Variants in DYNLT5 observed in about 807,000 individuals in gnomAD.
DYNLT5 encodes the protein dynein light chain Tctex-type 5.
In DYNLT5, 25 loss-of-function variants were observed where a neutral mutation model predicts 19.3. The observed-to-expected ratio is 1.30, with a 90% confidence interval of 0.95 to 1.81. DYNLT5 has a LOEUF of 1.81. Among genes scored for constraint, DYNLT5 ranks in the 40% most tolerant of loss-of-function variants. DYNLT5 has a pLI of 0.00. For synonymous variants in DYNLT5, 82 were observed against 68.9 expected, an observed-to-expected ratio of 1.19 and a Z score of -0.94; for missense variants, 232 against 217.9, an observed-to-expected ratio of 1.06 and a Z score of -0.41.
chr1:66,766,069 G>A (rs924225747), intron 2 of DYNLT5, among the ~76,000 whole-genome samples: 5 of 152,082 alleles, frequency 3.3e-5, no homozygotes, highest in African/African-American at 9.7e-5. Flanking sequence ...AGTGGTTTAC[G>A]CCAGACTTTC....
chr1:66,758,127 TTTTG>T (rs2094639685), intron 2 of DYNLT5, among the ~76,000 whole-genome samples: 1 of 152,222 alleles, frequency 6.6e-6, no homozygotes, highest in African/African-American at 2.4e-5. Context: ...AAAAATGGGC[TTTTG>T]TTTATTAGTT....
In DYNLT5 at chr1:66,778,404, A is replaced by G. The variant is rs915598169; in HGVS notation, c.*950A>G. 5 of 152,646 alleles carry G rather than the reference A, an allele frequency of 3.3e-5. No homozygotes were observed. Among genetic ancestry groups the G allele is most frequent in the Admixed American group, 2.0e-4 (3 of 15,274 alleles). 9.5% of individuals were successfully genotyped at this position (152,646 alleles called of 1,614,324 possible). On this transcript the variant is annotated 3_prime_UTR_variant, in exon 5 of 5. Transcript: ENST00000282670. ...CGGGTGCTAAAATTTACAGGGCTGA[A>G]ATAGCTTATTATTCTGCTGGTTAAT...
Position 66,777,284 on chromosome 1 carries a change from C to A in DYNLT5, c.370C>A (p.Pro124Thr). ...IKAQVKDLMI[P>T]RYKLIVIVHI... ...AGCCCAGGTCAAGGACTTGATGATTCCACGGTATAAACTAATTGTGATTGT... is the reference window on the plus strand; with the variant it reads ...AGCCCAGGTCAAGGACTTGATGATTACACGGTATAAACTAATTGTGATTGT... The change falls in exon 5 of 5, where the codon CCA becomes ACA. Residue 124 changes from proline to threonine, a missense_variant. By Grantham distance (38) the Pro-to-Thr change is conservative. Coordinates refer to ENST00000282670, the MANE Select transcript of DYNLT5 (RefSeq NM_152665.3). 6.2e-7 allele frequency: 1 copy of A among 1,612,920 alleles called. No individual in the cohort carries two copies. Among genetic ancestry groups the A allele is most frequent in the Non-Finnish European group, 8.5e-7 (1 of 1,179,214 alleles).
At chr1:66,770,639 C>T (rs751608193) in intron 3 of DYNLT5, 161 bp downstream of exon 3, 1 of 715,786 alleles carries the variant, frequency 1.4e-6, no homozygotes, top group Non-Finnish European at 2.5e-6. Context: ...TCTTCCTCAG[C>T]AAAAAGGTAA....
chr1:66,770,373 T>G lies in DYNLT5; in HGVS notation c.120-14T>G. ...ATAATAATGACTAAAATTTGTTTTC[T>G]CCCTTGTTTTTAGTTCTATGAGTAC... On this transcript the variant is annotated splice_polypyrimidine_tract_variant and intron_variant, in intron 2 of 4. Coordinates refer to ENST00000282670, the MANE Select transcript of DYNLT5 (RefSeq NM_152665.3). 1 of 1,567,986 alleles carries G rather than the reference T, an allele frequency of 6.4e-7. No homozygotes were observed. Among genetic ancestry groups the G allele is most frequent in the African/African-American group, 1.3e-5 (1 of 74,082 alleles).
intron 3 of DYNLT5, among the ~76,000 whole-genome samples, chr1:66,771,788 T>C (rs1421111298): frequency 6.6e-6 from 1 of 152,198 alleles, no homozygotes; most frequent in African/African-American, 2.4e-5. Context: ...TTGAATCAGA[T>C]TTGAACAAGA....
chr1:66,755,496 A>C (rs1403710633), intron 2 of DYNLT5, among the ~76,000 whole-genome samples: 1 of 152,186 alleles, frequency 6.6e-6, no homozygotes, highest in African/African-American at 2.4e-5. Context: ...TCAATTAATA[A>C]TAGACTTTCG....
At chr1:66,768,395 A>G (rs1645180921) in intron 2 of DYNLT5, among the ~76,000 whole-genome samples, 1 of 152,214 alleles carries the variant, frequency 6.6e-6, no homozygotes, top group African/African-American at 2.4e-5. Context: ...TAAAATGAGC[A>G]TACACTGTTT....
chr1:66,775,331 A>T (rs578255254), intron 3 of DYNLT5: 1 of 152,368 alleles, frequency 6.6e-6, no homozygotes, highest in South Asian at 2.1e-4. Context: ...CTATTGGAAG[A>T]CTATATAAGG....
rs2150870916 is a variant in DYNLT5 at position 66,778,942 on chromosome 1, TC to T, written c.*1489del. Reference sequence around the variant, plus strand: ...TAACAAGTAAATGAGCTTCATATTTTCATTACACATTGGTGAACATCTCCCT... The same window carrying T: ...TAACAAGTAAATGAGCTTCATATTTTATTACACATTGGTGAACATCTCCCT... On this transcript the variant is annotated 3_prime_UTR_variant, in exon 5 of 5. Transcript: ENST00000282670. Among the ~76,000 whole-genome samples the T allele has an allele frequency of 2.0e-5, 3 of 152,348 alleles. No homozygotes were observed. Among genetic ancestry groups the T allele is most frequent in the African/African-American group, 7.2e-5 (3 of 41,582 alleles).
At chr1:66,759,881 T>C (rs1260994022) in intron 2 of DYNLT5, among the ~76,000 whole-genome samples, 3 of 152,172 alleles carry the variant, frequency 2.0e-5, no homozygotes, top group East Asian at 1.9e-4. Flanking sequence ...AGCTACCTGA[T>C]ACCTTTGCAA....
chr1:66,773,293 A>G (rs1011032994), intron 3 of DYNLT5, among the ~76,000 whole-genome samples: 2 of 152,142 alleles, frequency 1.3e-5, no homozygotes, highest in African/African-American at 2.4e-5. Context: ...CCAGCACAGT[A>G]GAAAGTAGAT....
intron 2 of DYNLT5, among the ~76,000 whole-genome samples, chr1:66,760,966 A>G (rs1287106355): frequency 1.3e-5 from 2 of 152,224 alleles, no homozygotes; most frequent in Non-Finnish European, 2.9e-5. Context: ...CACAGGTTGC[A>G]TGGTTCATTC....
At chr1:66,760,167 C>G (rs1379920951) in intron 2 of DYNLT5, among the ~76,000 whole-genome samples, 1 of 152,128 alleles carries the variant, frequency 6.6e-6, no homozygotes, top group East Asian at 1.9e-4. Flanking sequence ...TTTTCTCTTC[C>G]CTGAGGCATG....
Position 66,777,300 on chromosome 1 carries a change from T to TTG in DYNLT5, c.389_390dup (p.Ile131Ter). 1.9e-6 allele frequency: 3 copies of TTG among 1,613,904 alleles called. No homozygotes were observed. The highest frequency in any genetic ancestry group is 2.5e-6 in the Non-Finnish European group (3 of 1,179,866). The stretch of plus-strand genomic sequence containing the variant: ...TTGATGATTCCACGGTATAAACTAA[T>TTG]TGTGATTGTTCACATTGGACAACTG... On this transcript the variant is annotated frameshift_variant, in exon 5 of 5. Coordinates refer to ENST00000282670, the MANE Select transcript of DYNLT5 (RefSeq NM_152665.3). LOFTEE classifies it high-confidence loss of function.
intron 2 of DYNLT5, among the ~76,000 whole-genome samples, chr1:66,767,832 A>G (rs1645174930): frequency 6.6e-6 from 1 of 152,320 alleles, no homozygotes; most frequent in African/African-American, 2.4e-5. Flanking sequence ...GGGTCAAAAC[A>G]GGCTCCTATA....
At position 66,777,439 on chromosome 1, in the gene DYNLT5, A is replaced by G; in HGVS notation, c.525A>G (p.Ala175=). Residue 175 remains alanine, a synonymous_variant, in exon 5 of 5, where the codon GCA becomes GCG. Coordinates refer to ENST00000282670, the MANE Select transcript of DYNLT5 (RefSeq NM_152665.3). ...TCTTCGCTCTTGCAAATGTCTATGC[A>G]GTTTACCTTGAGTGATTGAAAATAA... is the stretch of plus-strand genomic sequence containing the variant. ...SSLFALANVY[A]VYLE 1 of 1,613,432 alleles carries G rather than the reference A, an allele frequency of 6.2e-7. No homozygotes were observed. The highest frequency in any genetic ancestry group is 8.5e-7 in the Non-Finnish European group (1 of 1,179,672).
At chr1:66,762,257 T>G (rs900157616) in intron 2 of DYNLT5, among the ~76,000 whole-genome samples, 5 of 152,232 alleles carry the variant, frequency 3.3e-5, no homozygotes, top group Non-Finnish European at 5.9e-5. Flanking sequence ...CAGATCACGG[T>G]GATTAGCATA....
At chr1:66,766,328 TGTA>T (rs2094655176) in intron 2 of DYNLT5, among the ~76,000 whole-genome samples, 1 of 152,242 alleles carries the variant, frequency 6.6e-6, no homozygotes, top group African/African-American at 2.4e-5. Flanking sequence ...CCCATCCATG[TGTA>T]ATATTGTGAT....
Sources: gnomAD v4.1 joint callset for allele counts (sites outside exome capture counted in the v4.1 genomes callset) on GRCh38, gnomAD v4.1.1 for gene constraint, MANE v1.5 for transcripts, NCBI Gene and HGNC (gene_info 2026-07-23, HGNC 2026-07-21) for gene names.